GSTCD: variants seen among roughly 807,000 people sequenced by gnomAD.
GSTCD encodes glutathione S-transferase C-terminal domain-containing protein.
In GSTCD, 44 loss-of-function variants were observed where a neutral mutation model predicts 68.3. The observed-to-expected ratio is 0.64, with a 90% CI of 0.51 to 0.83. GSTCD has a LOEUF of 0.83. Among genes scored for constraint, GSTCD ranks in the 40% least tolerant of loss-of-function variants. GSTCD has a pLI of 0.00. For synonymous variants in GSTCD, 273 were observed against 255.2 expected, an observed-to-expected ratio of 1.07 and a Z score of -0.67; for missense variants, 739 against 735.9, an observed-to-expected ratio of 1.00 and a Z score of -0.05.
At chr4:105,768,949 CAT>C (rs1418155245) in intron 5 of GSTCD, among the ~76,000 whole-genome samples, 1 of 151,692 alleles carries the variant, frequency 6.6e-6, no homozygotes, top group Non-Finnish European at 1.5e-5. Context: ...CAACAAGTGA[CAT>C]AAGCTATTCA....
chr4:105,840,292 T>G, intron 10 of GSTCD: 1 of 422,446 alleles, frequency 2.4e-6, no homozygotes, highest in South Asian at 1.7e-5. Flanking sequence ...ATCATGTAAT[T>G]CTAAATTTTC....
intron 10 of GSTCD, among the ~76,000 whole-genome samples, chr4:105,841,619 T>C (rs1386046036): frequency 6.6e-6 from 1 of 151,326 alleles, no homozygotes; most frequent in Non-Finnish European, 1.5e-5. Context: ...GCAGATCACC[T>C]AAGGCCAGGA....
At chr4:105,788,012 T>A (rs1735529022) in intron 5 of GSTCD, among the ~76,000 whole-genome samples, 1 of 152,096 alleles carries the variant, frequency 6.6e-6, no homozygotes, top group African/African-American at 2.4e-5. Flanking sequence ...ATTTCTGAAT[T>A]TCTTTACAGG....
intron 5 of GSTCD, among the ~76,000 whole-genome samples, chr4:105,750,316 C>T (rs111271228): frequency 0.045 from 6,766 of 151,864 alleles, 210 homozygotes; most frequent in Middle Eastern, 0.13. Context: ...CAAAATTAGC[C>T]GGGCATGGTG....
intron 5 of GSTCD, among the ~76,000 whole-genome samples, chr4:105,752,234 A>G (rs1241730202): frequency 3.3e-5 from 5 of 152,142 alleles, no homozygotes. Flanking sequence ...TAACTGTAGC[A>G]TGTGATTAAA....
chr4:105,813,388 T>C (rs1722832098), intron 5 of GSTCD, among the ~76,000 whole-genome samples: 1 of 152,170 alleles, frequency 6.6e-6, no homozygotes, highest in Non-Finnish European at 1.5e-5. Context: ...AGTGGAAAAT[T>C]CCATGCATAA....
At chr4:105,749,368 C>T (rs2149225687) in intron 5 of GSTCD, among the ~76,000 whole-genome samples, 1 of 151,744 alleles carries the variant, frequency 6.6e-6, no homozygotes, top group East Asian at 1.9e-4. Context: ...TAGCTGTAGA[C>T]AAGCTTATTC....
At chr4:105,810,821 G>A (rs1283684842) in intron 5 of GSTCD, among the ~76,000 whole-genome samples, 1 of 152,030 alleles carries the variant, frequency 6.6e-6, no homozygotes, top group Admixed American at 6.6e-5. Context: ...AGTGACAGGA[G>A]CCCAAGTAGC....
At chr4:105,843,621 A>G (rs1724440759) in intron 11 of GSTCD, 1 of 152,162 alleles carries the variant, frequency 6.6e-6, no homozygotes, top group African/African-American at 2.4e-5. Flanking sequence ...TTGTCCTTTT[A>G]TAAGGAACCC....
At chr4:105,796,224 C>A (rs909037967) in intron 5 of GSTCD, among the ~76,000 whole-genome samples, 1 of 152,172 alleles carries the variant, frequency 6.6e-6, no homozygotes, top group African/African-American at 2.4e-5. Context: ...CGAGCTTGTG[C>A]AGGGAAACTC....
chr4:105,821,128 T>C (rs950204795), intron 5 of GSTCD: 1 of 151,872 alleles, frequency 6.6e-6, no homozygotes, highest in African/African-American at 2.4e-5. Context: ...AGTACTCTTC[T>C]TTTTGCCTTC....
intron 5 of GSTCD, among the ~76,000 whole-genome samples, chr4:105,803,179 A>G (rs532192223): frequency 2.0e-5 from 3 of 152,228 alleles, no homozygotes; most frequent in African/African-American, 7.2e-5. Flanking sequence ...TTCATCTCAT[A>G]TGGCAACATG....
chr4:105,833,755 A>ATATAGTAAGTATAGT (rs1329698771), intron 8 of GSTCD, among the ~76,000 whole-genome samples: 3 of 152,120 alleles, frequency 2.0e-5, no homozygotes, highest in Non-Finnish European at 4.4e-5. Flanking sequence ...GTAAGTATAG[A>ATATAGTAAGTATAGT]TATACTTAAG....
intron 7 of GSTCD, 107 bp downstream of exon 7, chr4:105,823,382 A>G: frequency 1.2e-6 from 1 of 838,790 alleles, no homozygotes; most frequent in South Asian, 1.5e-5. Context: ...CACCCAAGTC[A>G]AATATGTGGC....
intron 5 of GSTCD, among the ~76,000 whole-genome samples, chr4:105,770,541 G>T (rs1005404583): frequency 1.3e-5 from 2 of 151,942 alleles, no homozygotes; most frequent in African/African-American, 4.8e-5. Flanking sequence ...AACTCTAACA[G>T]GCCCTGGAGT....
intron 7 of GSTCD, among the ~76,000 whole-genome samples, chr4:105,825,030 C>T (rs11931795): frequency 0.024 from 3,601 of 152,098 alleles, 76 homozygotes; most frequent in African/African-American, 0.057. Context: ...TTTCATTTAA[C>T]GCTTATCACA....
At chr4:105,827,519 T>C (rs1315312494) in intron 8 of GSTCD, among the ~76,000 whole-genome samples, 1 of 152,188 alleles carries the variant, frequency 6.6e-6, no homozygotes, top group African/African-American at 2.4e-5. Flanking sequence ...GAAGGTTAAA[T>C]TAAAAGTAGA....
At chr4:105,786,092 A>T (rs1245710374) in intron 5 of GSTCD, among the ~76,000 whole-genome samples, 1 of 152,216 alleles carries the variant, frequency 6.6e-6, no homozygotes, top group East Asian at 1.9e-4. Context: ...TAAAACTATA[A>T]AACTCTTGGA....
At chr4:105,731,652 A>G (rs560716366) in intron 5 of GSTCD, among the ~76,000 whole-genome samples, 19 of 152,324 alleles carry the variant, frequency 1.2e-4, no homozygotes, top group Admixed American at 1.2e-3. Flanking sequence ...TTTTCTAAAT[A>G]CACAATCATG....
Sources: allele counts gnomAD v4.1 joint callset (sites outside exome capture counted in the v4.1 genomes callset), GRCh38; gene constraint gnomAD v4.1.1; transcripts MANE v1.5; gene names NCBI Gene and HGNC (gene_info 2026-07-23, HGNC 2026-07-21).